CFAP44: variants seen among roughly 807,000 people sequenced by gnomAD.
The protein encoded by CFAP44 is cilia- and flagella-associated protein 44.
In CFAP44, 134 loss-of-function variants were observed where a neutral mutation model predicts 216.2. The ratio of observed to expected loss-of-function variants is 0.62; its 90% CI spans 0.54 to 0.72. CFAP44 has a LOEUF of 0.72. CFAP44 is among the 30% of genes least tolerant of loss of function. CFAP44 has a pLI of 0.00. For synonymous variants in CFAP44, 700 were observed against 727.6 expected, an observed-to-expected ratio of 0.96 and a Z score of 0.61; for missense variants, 2,035 against 2,182.1, an observed-to-expected ratio of 0.93 and a Z score of 1.34.
chr3:113,363,066 T>A, intron 21 of CFAP44, 79 bp downstream of exon 21: 1 of 1,425,452 alleles, frequency 7.0e-7, no homozygotes, highest in Non-Finnish European at 9.2e-7. Flanking sequence ...TTTAAGTGTT[T>A]CTACTTGTTG....
rs1950235594 is a variant in CFAP44, at chr3:113,330,835, G to A, written c.3616-167C>T. Among the ~76,000 whole-genome samples, 3 of 151,994 alleles carry A rather than the reference G, an allele frequency of 2.0e-5. No homozygotes were observed. The South Asian group carries it at 6.2e-4, about 32-fold the overall frequency. On this transcript the variant is annotated intron_variant, in intron 25 of 34. Coordinates refer to ENST00000393845, the MANE Select transcript of CFAP44 (RefSeq NM_001164496.2). ...AAGTTTCCCTTTTCTTTAATATTGAGGATTTTTTCCATTTAGGCCCTCCAA... is the reference window on the plus strand; with the variant it reads ...AAGTTTCCCTTTTCTTTAATATTGAAGATTTTTTCCATTTAGGCCCTCCAA...
rs116742421 is a variant in CFAP44, at chr3:113,416,957, C to T, written c.571-330G>A. ...ACTTATTAAAATATAGATTGCAAGC[C>T]CTAACACCCAGAGTTTCTGACTTAA... On this transcript the variant is annotated intron_variant, in intron 5 of 34. Coordinates refer to ENST00000393845, the MANE Select transcript of CFAP44 (RefSeq NM_001164496.2). Among the ~76,000 whole-genome samples, 694 of 152,164 alleles carry T rather than the reference C, an allele frequency of 4.6e-3. 6 individuals carry two copies. Among genetic ancestry groups the T allele is most frequent in the African/African-American group, 0.016 (666 of 41,514 alleles).
chr3:113,377,300 G>T (rs1011318428), intron 17 of CFAP44, among the ~76,000 whole-genome samples: 1 of 152,122 alleles, frequency 6.6e-6, no homozygotes, highest in Admixed American at 6.5e-5. Context: ...CCATTTGTTT[G>T]GCTGCAGGCA....
At chr3:113,440,313 C>T (rs1291219477) in intron 1 of CFAP44, among the ~76,000 whole-genome samples, 4 of 152,138 alleles carry the variant, frequency 2.6e-5, no homozygotes, top group East Asian at 1.9e-4. Context: ...TACCCACCTC[C>T]GCCTCCCAAA....
intron 8 of CFAP44, 69 bp downstream of exon 8, chr3:113,406,858 T>C (rs1400048276): frequency 2.8e-6 from 3 of 1,057,500 alleles, no homozygotes; most frequent in Non-Finnish European, 4.3e-6. Context: ...AGAATTTTCA[T>C]ATATGTGTGC....
chr3:113,441,359 C>T (rs117900602), intron 1 of CFAP44, 94 bp downstream of exon 1: 20,198 of 983,588 alleles, frequency 0.021, 225 homozygotes, highest in East Asian at 0.049. Flanking sequence ...ACTGGTCCAG[C>T]CTGAGAGAAG....
intron 19 of CFAP44, 92 bp from the exon 20 acceptor site, chr3:113,363,624 G>A (rs1318035271): frequency 7.7e-6 from 9 of 1,161,626 alleles, no homozygotes; most frequent in Admixed American, 6.0e-5. Flanking sequence ...AACTCAAATT[G>A]GTTCGGTTTT....
intron 17 of CFAP44, among the ~76,000 whole-genome samples, chr3:113,378,381 G>A (rs1384439600): frequency 6.6e-6 from 1 of 152,136 alleles, no homozygotes; most frequent in African/African-American, 2.4e-5. Flanking sequence ...GATGTCCTAT[G>A]ATGTCTCCAA....
At chr3:113,370,013 T>C (rs1312191588) in intron 18 of CFAP44, among the ~76,000 whole-genome samples, 1 of 152,102 alleles carries the variant, frequency 6.6e-6, no homozygotes, top group Non-Finnish European at 1.5e-5. Flanking sequence ...ACATACACCC[T>C]CCCAAGACTA....
intron 28 of CFAP44, among the ~76,000 whole-genome samples, chr3:113,321,618 C>A (rs563547896): frequency 5.9e-5 from 9 of 152,188 alleles, no homozygotes; most frequent in Middle Eastern, 3.4e-3. Flanking sequence ...CTTAGAAGAC[C>A]CCAAAGATTG....
chr3:113,294,623 T>A (rs1240469785), intron 34 of CFAP44, 64 bp downstream of exon 34: 2 of 1,459,152 alleles, frequency 1.4e-6, no homozygotes, highest in African/African-American at 2.9e-5. Context: ...AACATTCTTG[T>A]GAATAGCTAC....
In CFAP44 at chr3:113,409,283, T is replaced by C. The variant is rs922864836; in HGVS notation, c.713A>G (p.Tyr238Cys). ...AACAGAGGCCAGCAAGTTACCGCTG[T>C]AGTTAAAGTCCACATAAGCATATCC... ...EKGYAYVDFN[Y>C]SGNLLASVGS... Residue 238 changes from tyrosine to cysteine, a missense_variant, in exon 7 of 35, where the codon TAC becomes TGC. This residue lies in a region of CFAP44 where 1,883 missense variants were observed against 2,023.7 expected (regional missense o/e 0.93). Transcript: ENST00000393845. 3 of 1,614,118 alleles carry C rather than the reference T, an allele frequency of 1.9e-6. No individual in the cohort carries two copies. In the South Asian group the frequency reaches 3.3e-5, roughly 18 times the overall value.
At chr3:113,303,749 T>C (rs1047809824) in intron 32 of CFAP44, among the ~76,000 whole-genome samples, 167 bp downstream of exon 32, 2 of 152,208 alleles carry the variant, frequency 1.3e-5, no homozygotes, top group Non-Finnish European at 2.9e-5. Context: ...GAGCTTTTCA[T>C]GGCATCAGGA....
intron 1 of CFAP44, among the ~76,000 whole-genome samples, chr3:113,440,277 T>C (rs1194938976): frequency 1.3e-5 from 2 of 152,162 alleles, no homozygotes; most frequent in African/African-American, 4.8e-5. Flanking sequence ...GCCAGACTTG[T>C]CTCGAACTCC....
intron 21 of CFAP44, among the ~76,000 whole-genome samples, chr3:113,359,354 A>G (rs1242837759): frequency 6.6e-6 from 1 of 152,168 alleles, no homozygotes; most frequent in Admixed American, 6.5e-5. Context: ...TCCCATAAGG[A>G]TACTTAGAGG....
intron 28 of CFAP44, among the ~76,000 whole-genome samples, chr3:113,317,351 G>T (rs973419582): frequency 6.6e-6 from 1 of 152,184 alleles, no homozygotes; most frequent in South Asian, 2.1e-4. Context: ...TCCCTCTCTG[G>T]GAGGCATGGG....
intron 2 of CFAP44, among the ~76,000 whole-genome samples, chr3:113,429,569 G>T (rs891601952): frequency 6.6e-6 from 1 of 152,026 alleles, no homozygotes; most frequent in African/African-American, 2.4e-5. Context: ...TATTAGCCAT[G>T]CTGATAATCT....
At chr3:113,441,315 G>T in intron 1 of CFAP44, 138 bp downstream of exon 1, 1 of 903,260 alleles carries the variant, frequency 1.1e-6, no homozygotes, top group Non-Finnish European at 1.3e-6. Flanking sequence ...TCAAAAGTTT[G>T]CTGAGCTACC....
chr3:113,432,405 C>T lies in CFAP44; in HGVS notation c.100+1160G>A, dbSNP rs532616970. Among the ~76,000 whole-genome samples the T allele has an allele frequency of 9.8e-5, 15 of 152,300 alleles. No homozygotes were observed. The East Asian group carries it at 2.9e-3, about 29-fold the overall frequency. ...GTTTTGTTGAAGTACATGCCCATAA[C>T]TTAAAAAGTCAAGTAATGCTAAAAG... On this transcript the variant is annotated intron_variant, in intron 2 of 34. Transcript: ENST00000393845.
Sources: gnomAD v4.1 joint callset for allele counts (sites outside exome capture counted in the v4.1 genomes callset) on GRCh38, gnomAD v4.1.1 for gene constraint, gnomAD v4.1.1 regional missense constraint, MANE v1.5 for transcripts, NCBI Gene and HGNC (gene_info 2026-07-23, HGNC 2026-07-21) for gene names.